The following ATP8B4 variants were observed in gnomAD, a reference collection of about 807,000 sequenced individuals.
ATP8B4 encodes probable phospholipid-transporting ATPase IM.
ATP8B4 carries 133 observed loss-of-function variants against 145.6 expected under a neutral mutation model. That is an observed-to-expected ratio of 0.91 (90% CI 0.79 to 1.05). ATP8B4 has a LOEUF of 1.05. Ranked by LOEUF, ATP8B4 falls within the 50% of genes least tolerant of loss-of-function variation. ATP8B4 has a pLI of 0.00. For missense variants in ATP8B4, 1,458 were observed against 1,425.2 expected (o/e 1.02, Z -0.37); for synonymous variants, 507 against 492.9 (o/e 1.03, Z -0.38).
intron 19 of ATP8B4, chr15:49,917,402 G>C (rs1466191878): frequency 5.8e-6 from 1 of 171,522 alleles, no homozygotes; most frequent in Non-Finnish European, 1.2e-5. Context: ...ATACTGTCTT[G>C]GGAGAGATAA....
intron 9 of ATP8B4, among the ~76,000 whole-genome samples, chr15:49,991,694 T>C (rs2047059249): frequency 6.6e-6 from 1 of 152,162 alleles, no homozygotes; most frequent in Non-Finnish European, 1.5e-5. Flanking sequence ...TTCAAATAAA[T>C]GGATTTACCT....
chr15:49,923,240 C>T, intron 17 of ATP8B4, 139 bp downstream of exon 17: 1 of 679,678 alleles, frequency 1.5e-6, no homozygotes. Context: ...ATCATTGGCA[C>T]AGCTTCCTGT....
intron 25 of ATP8B4, 53 bp from the exon 26 acceptor site, chr15:49,866,537 C>A: frequency 6.3e-7 from 1 of 1,589,088 alleles, no homozygotes; most frequent in South Asian, 1.1e-5. Context: ...AAAACAGCAT[C>A]ATTTTACCTC....
chr15:50,159,548 T>C (rs1437330973), intron 1 of ATP8B4, among the ~76,000 whole-genome samples: 1 of 152,218 alleles, frequency 6.6e-6, no homozygotes, highest in Admixed American at 6.5e-5. Context: ...GTGGTGAAAG[T>C]GGGTATCCTT....
intron 6 of ATP8B4, among the ~76,000 whole-genome samples, chr15:50,022,876 C>T (rs528327087): frequency 6.6e-6 from 1 of 152,328 alleles, no homozygotes; most frequent in African/African-American, 2.4e-5. Flanking sequence ...TAAGAAAGAC[C>T]TTCTAATGTA....
rs185949627 is a variant in ATP8B4 at position 50,006,033 on chromosome 15, T to C, written c.436-3810A>G. On this transcript the variant is annotated intron_variant, in intron 7 of 27. Transcript: ENST00000284509. Reference sequence around the variant, plus strand: ...AAAATAAACCAAATACCTCATGCATTGAGTCAAAAAATGAGAATGAGATCC... The same window carrying C: ...AAAATAAACCAAATACCTCATGCATCGAGTCAAAAAATGAGAATGAGATCC... 7.6e-4 allele frequency among the ~76,000 whole-genome samples: 116 copies of C among 152,162 alleles called. 1 individual carries two copies. The highest frequency in any genetic ancestry group is 2.9e-5 in the Non-Finnish European group (2 of 68,004).
chr15:49,923,093 G>A (rs1471930472), intron 17 of ATP8B4, among the ~76,000 whole-genome samples: 1 of 152,146 alleles, frequency 6.6e-6, no homozygotes, highest in East Asian at 1.9e-4. Context: ...GAAGCTGCAG[G>A]GGAGTTACAG....
Position 50,027,702 on chromosome 15 carries a change from T to C in ATP8B4, c.362+11066A>G, listed in dbSNP as rs2050118291. Among the ~76,000 whole-genome samples, 2 of 152,178 alleles carry C rather than the reference T, an allele frequency of 1.3e-5. 1 individual carries two copies. The highest frequency in any genetic ancestry group is 4.1e-4 in the South Asian group (2 of 4,834). ...TTAAGCAAATTTAAAATCCAGTAAG[T>C]GTTTATTGTGAAGGAATGCTAAGCT... On this transcript the variant is annotated intron_variant, in intron 6 of 27. Coordinates refer to ENST00000284509, the MANE Select transcript of ATP8B4 (RefSeq NM_024837.4).
intron 1 of ATP8B4, among the ~76,000 whole-genome samples, chr15:50,139,215 A>G (rs373552613): frequency 9.2e-5 from 14 of 152,368 alleles, no homozygotes; most frequent in African/African-American, 3.4e-4. Flanking sequence ...AGACTGGATA[A>G]AGAAAATGTG....
At chr15:49,880,813 TA>T (rs970209629) in intron 23 of ATP8B4, 897 of 132,312 alleles carry the variant, frequency 6.8e-3, no homozygotes, top group Middle Eastern at 0.012. Flanking sequence ...AACAACAGGC[TA>T]AAAAAAAAAA....
intron 14 of ATP8B4, among the ~76,000 whole-genome samples, chr15:49,958,096 A>T (rs1286264316): frequency 6.6e-6 from 1 of 151,672 alleles, no homozygotes; most frequent in African/African-American, 2.4e-5. Context: ...TTAGGGAGAA[A>T]AAAACCCTTA....
intron 2 of ATP8B4, among the ~76,000 whole-genome samples, chr15:50,092,667 C>T (rs2055687456): frequency 6.6e-6 from 1 of 151,698 alleles, no homozygotes; most frequent in African/African-American, 2.4e-5. Flanking sequence ...ATGAAAACTG[C>T]ATATGGAAAG....
At chr15:50,000,493 C>T (rs1196333388) in intron 8 of ATP8B4, among the ~76,000 whole-genome samples, 1 of 152,038 alleles carries the variant, frequency 6.6e-6, no homozygotes, top group Non-Finnish European at 1.5e-5. Context: ...TTTGTACGTC[C>T]TCTTTGGTGA....
chr15:50,138,427 A>C (rs2044160791), intron 1 of ATP8B4, among the ~76,000 whole-genome samples: 1 of 110,608 alleles, frequency 9.0e-6, no homozygotes, highest in African/African-American at 3.7e-5. Context: ...AGATAGAGAG[A>C]TAGACAGACA....
At chr15:50,032,664 T>C (rs1479551782) in intron 6 of ATP8B4, among the ~76,000 whole-genome samples, 3 of 152,184 alleles carry the variant, frequency 2.0e-5, no homozygotes, top group Non-Finnish European at 4.4e-5. Flanking sequence ...GGTACGTGAA[T>C]TGTGAGATAT....
intron 1 of ATP8B4, among the ~76,000 whole-genome samples, chr15:50,111,319 C>T (rs1457817448): frequency 6.6e-6 from 1 of 152,200 alleles, no homozygotes; most frequent in Non-Finnish European, 1.5e-5. Flanking sequence ...CAGAAGCCTG[C>T]CCACAGGGAA....
chr15:49,926,322 T>C (rs914440487), intron 16 of ATP8B4, among the ~76,000 whole-genome samples: 2 of 152,064 alleles, frequency 1.3e-5, no homozygotes, highest in Non-Finnish European at 2.9e-5. Flanking sequence ...GTCTCCCAAA[T>C]CAGAAATCTA....
intron 14 of ATP8B4, among the ~76,000 whole-genome samples, chr15:49,956,786 A>C (rs530564076): frequency 4.6e-5 from 7 of 152,146 alleles, no homozygotes; most frequent in Non-Finnish European, 8.8e-5. Flanking sequence ...GCCTCAAACA[A>C]TCCTCCCACC....
intron 3 of ATP8B4, among the ~76,000 whole-genome samples, chr15:50,072,970 CTCTCTCTCTCTATATATATATATA>C (rs1483154296): frequency 1.9e-4 from 6 of 31,786 alleles, no homozygotes; most frequent in South Asian, 1.2e-3. Context: ...CTCTCTCTCT[CTCTCTCTCTCTATATATATATATA>C]TATATATATA....
Sources: gnomAD v4.1 joint callset for allele counts (sites outside exome capture counted in the v4.1 genomes callset) on GRCh38, gnomAD v4.1.1 for gene constraint, MANE v1.5 for transcripts, NCBI Gene and HGNC (gene_info 2026-07-23, HGNC 2026-07-21) for gene names.